Variants in FAM110B observed in about 807,000 individuals in gnomAD.
FAM110B encodes the protein protein FAM110B.
In FAM110B, 6 loss-of-function variants were observed where a neutral mutation model predicts 20.4. The observed-to-expected ratio is 0.29, with a 90% CI of 0.16 to 0.58. FAM110B has a LOEUF of 0.58. FAM110B is among the 20% of genes least tolerant of loss of function. FAM110B has a pLI of 0.90. For synonymous variants in FAM110B, 226 were observed against 214.1 expected (o/e 1.06, Z -0.49); for missense variants, 434 against 498.2 (o/e 0.87, Z 1.23).
At chr8:58,079,644 T>G (rs937129249) in intron 3 of FAM110B, among the ~76,000 whole-genome samples, 5 of 152,170 alleles carry the variant, frequency 3.3e-5, no homozygotes, top group Admixed American at 6.5e-5. Flanking sequence ...AGCCAGGTGT[T>G]GTGGCATGCG....
At chr8:58,024,683 T>TC (rs1361670682) in intron 1 of FAM110B, among the ~76,000 whole-genome samples, 2 of 152,214 alleles carry the variant, frequency 1.3e-5, no homozygotes, top group Non-Finnish European at 2.9e-5. Context: ...CTGTGCCTAT[T>TC]CCTTTGCCCA....
chr8:58,101,639 A>G (rs1806782585), intron 3 of FAM110B, among the ~76,000 whole-genome samples: 1 of 151,788 alleles, frequency 6.6e-6, no homozygotes, highest in Non-Finnish European at 1.5e-5. Flanking sequence ...AGCTGTATTG[A>G]TTTCTACTCT....
intron 3 of FAM110B, among the ~76,000 whole-genome samples, chr8:58,110,132 A>G (rs952241707): frequency 4.6e-5 from 7 of 152,172 alleles, no homozygotes; most frequent in South Asian, 2.1e-4. Flanking sequence ...TAAGCATGCT[A>G]TTGATTTAGT....
chr8:58,063,147 A>C (rs1006822512), intron 2 of FAM110B, among the ~76,000 whole-genome samples: 2 of 152,242 alleles, frequency 1.3e-5, no homozygotes, highest in African/African-American at 4.8e-5. Flanking sequence ...TCAGATGACC[A>C]GAGCACGGGG....
At chr8:58,052,772 C>CTTTTT (rs71248165) in intron 2 of FAM110B, among the ~76,000 whole-genome samples, 1 of 52,340 alleles carries the variant, frequency 1.9e-5, no homozygotes, top group Non-Finnish European at 3.4e-5. Context: ...GTGATGGACT[C>CTTTTT]TTTTTTTTTT....
chr8:58,114,959 A>AGAATTCCC (rs947634402), intron 3 of FAM110B, among the ~76,000 whole-genome samples: 14 of 151,738 alleles, frequency 9.2e-5, no homozygotes, highest in Admixed American at 7.9e-4. Context: ...TCAGACCACT[A>AGAATTCCC]GAATTCCCGA....
chr8:58,071,218 C>G (rs976389052), intron 2 of FAM110B, among the ~76,000 whole-genome samples: 8 of 152,288 alleles, frequency 5.3e-5, no homozygotes, highest in Admixed American at 3.9e-4. Flanking sequence ...GGCTGAGGTT[C>G]AAATATCCCA....
intron 3 of FAM110B, among the ~76,000 whole-genome samples, chr8:58,129,718 C>T (rs765125776): frequency 3.3e-5 from 5 of 152,230 alleles, no homozygotes. Context: ...AGGCTGACAG[C>T]TTACCAAGGC....
chr8:58,138,185 G>A (rs1243684774), intron 3 of FAM110B, among the ~76,000 whole-genome samples: 2 of 152,222 alleles, frequency 1.3e-5, no homozygotes, highest in Non-Finnish European at 2.9e-5. Context: ...ACATTTCAGA[G>A]CTGGTTCTCT....
intron 3 of FAM110B, among the ~76,000 whole-genome samples, chr8:58,143,301 TAAG>T (rs1447740623): frequency 6.6e-6 from 1 of 152,186 alleles, no homozygotes; most frequent in Non-Finnish European, 1.5e-5. Context: ...GGTCTTCCAA[TAAG>T]ATGAAGTTGT....
At chr8:58,045,323 C>T (rs1172568613) in intron 2 of FAM110B, among the ~76,000 whole-genome samples, 1 of 152,140 alleles carries the variant, frequency 6.6e-6, no homozygotes, top group Non-Finnish European at 1.5e-5. Context: ...TTAGTAAGTT[C>T]AGTGTTAATA....
At chr8:58,032,204 C>T (rs1475160915) in intron 2 of FAM110B, 2 of 152,228 alleles carry the variant, frequency 1.3e-5, no homozygotes, top group Non-Finnish European at 2.9e-5. Context: ...ATTCTGAACA[C>T]TCAGTGGACA....
intron 1 of FAM110B, among the ~76,000 whole-genome samples, chr8:58,011,919 G>T (rs549079438): frequency 6.6e-6 from 1 of 152,156 alleles, no homozygotes; most frequent in Admixed American, 6.5e-5. Flanking sequence ...AATCACCTTC[G>T]TGACTGAGTA....
intron 3 of FAM110B, among the ~76,000 whole-genome samples, chr8:58,096,181 G>T (rs563150457): frequency 6.6e-6 from 1 of 151,996 alleles, no homozygotes; most frequent in Non-Finnish European, 1.5e-5. Flanking sequence ...CAATGGTCTT[G>T]ACTCTTTTTT....
chr8:57,998,585 A>C (rs896545412), intron 1 of FAM110B, among the ~76,000 whole-genome samples: 81 of 152,368 alleles, frequency 5.3e-4, no homozygotes, highest in African/African-American at 1.8e-3. Context: ...AAATACAAAA[A>C]TGTAATATTT....
chr8:58,112,014 C>A (rs901556332), intron 3 of FAM110B, among the ~76,000 whole-genome samples: 7 of 152,118 alleles, frequency 4.6e-5, no homozygotes, highest in Non-Finnish European at 1.0e-4. Flanking sequence ...ACAATTATAA[C>A]AATATTAAAG....
At chr8:58,095,245 C>A (rs1806594198) in intron 3 of FAM110B, among the ~76,000 whole-genome samples, 1 of 152,112 alleles carries the variant, frequency 6.6e-6, no homozygotes, top group African/African-American at 2.4e-5. Flanking sequence ...CTGTCTCCTT[C>A]AGTTCTGTCT....
At chr8:58,007,358 C>A (rs901639331) in intron 1 of FAM110B, among the ~76,000 whole-genome samples, 1 of 152,174 alleles carries the variant, frequency 6.6e-6, no homozygotes, top group Admixed American at 6.5e-5. Flanking sequence ...GTGGGTCCCA[C>A]TGTTTCCTAC....
At chr8:58,044,067 A>T (rs951831439) in intron 2 of FAM110B, among the ~76,000 whole-genome samples, 1 of 152,244 alleles carries the variant, frequency 6.6e-6, no homozygotes, top group African/African-American at 2.4e-5. Flanking sequence ...GAATATGAAT[A>T]CTATTTTTCT....
Sources: gnomAD v4.1 joint callset for allele counts (sites outside exome capture counted in the v4.1 genomes callset) on GRCh38, gnomAD v4.1.1 for gene constraint, MANE v1.5 for transcripts, NCBI Gene and HGNC (gene_info 2026-07-23, HGNC 2026-07-21) for gene names.